TENM2: variants seen among roughly 807,000 people sequenced by gnomAD.
TENM2 encodes teneurin transmembrane protein 2.
Under a neutral mutation model 245.2 loss-of-function variants are expected in TENM2, and 52 were observed. The ratio of observed to expected loss-of-function variants is 0.21; its 90% CI spans 0.17 to 0.27. The LOEUF (loss-of-function observed/expected upper bound fraction) is 0.27. TENM2 is among the 10% of genes least tolerant of loss of function. The pLI, the probability that TENM2 is intolerant of heterozygous loss-of-function variation, is 1.00. For synonymous variants in TENM2, 1,363 were observed against 1,438.9 expected, an observed-to-expected ratio of 0.95 and a Z score of 1.19; for missense variants, 3,046 against 3,666.8, an observed-to-expected ratio of 0.83 and a Z score of 4.37.
rs376314846 is a variant in TENM2, at chr5:167,912,671, T to C, written c.712+36476T>C. Among the ~76,000 whole-genome samples the C allele has an allele frequency of 1.1e-4, 16 of 152,242 alleles. No individual in the cohort carries two copies. In the East Asian group the frequency reaches 3.1e-3, roughly 30 times the overall value. On this transcript the variant is annotated intron_variant, in intron 3 of 28. Transcript: ENST00000518659. ...CTGAGATCCTGGCATCTCATGGGCA[T>C]GCCAAAAATGTCTGTGGAATGACTT...
chr5:167,992,911 T>A (rs1257722031), intron 4 of TENM2, 33 bp from the exon 7 acceptor site: 15 of 1,571,606 alleles, frequency 9.5e-6, no homozygotes, highest in Non-Finnish European at 1.3e-5. Flanking sequence ...TGGCTACCCA[T>A]GACCACTCTG....
At chr5:168,069,201 T>C (rs1235967257) in intron 7 of TENM2, among the ~76,000 whole-genome samples, 1 of 152,174 alleles carries the variant, frequency 6.6e-6, no homozygotes, top group Non-Finnish European at 1.5e-5. Flanking sequence ...GTGCAATTGC[T>C]TGTATGACTT....
At chr5:167,186,122 C>T in the TENM2 span, among the ~76,000 whole-genome samples, 11,008 of 152,152 alleles carry the variant, frequency 0.072, 1,081 homozygotes, top group East Asian at 0.36. Context: ...TTTATGAGTA[C>T]AAGTTCAATC....
intron 4 of TENM2, among the ~76,000 whole-genome samples, chr5:167,973,348 G>A (rs1290225086): frequency 6.6e-6 from 1 of 152,030 alleles, no homozygotes; most frequent in Non-Finnish European, 1.5e-5. Flanking sequence ...ACCTCCTGTT[G>A]GTAATCCCAT....
At chr5:167,263,658 G>A in the TENM2 span, among the ~76,000 whole-genome samples, 1 of 151,612 alleles carries the variant, frequency 6.6e-6, no homozygotes, top group Non-Finnish European at 1.5e-5. Flanking sequence ...CACCATTCTG[G>A]TATCTGCACT....
chr5:167,251,831 C>T, the TENM2 span, among the ~76,000 whole-genome samples: 5 of 152,022 alleles, frequency 3.3e-5, no homozygotes, highest in Admixed American at 6.6e-5. Context: ...TGTTCTGATA[C>T]GCAAAATTAG....
intron 10 of TENM2, among the ~76,000 whole-genome samples, chr5:168,119,322 G>A (rs1315323846): frequency 6.6e-6 from 1 of 152,222 alleles, no homozygotes; most frequent in African/African-American, 2.4e-5. Flanking sequence ...TGGAGATCAG[G>A]AGAGGGGGAC....
intron 8 of TENM2, 147 bp downstream of exon 10, chr5:168,090,916 C>G (rs77683889): frequency 4.5e-6 from 3 of 667,096 alleles, no homozygotes; most frequent in Non-Finnish European, 7.8e-6. Context: ...TAGTGTCACC[C>G]ACCTGAAACT....
chr5:166,981,644 T>C, the TENM2 span, among the ~76,000 whole-genome samples: 1 of 152,224 alleles, frequency 6.6e-6, no homozygotes, highest in African/African-American at 2.4e-5. Flanking sequence ...CTAATTGTTA[T>C]GTAACATATT....
intron 2 of TENM2, among the ~76,000 whole-genome samples, chr5:167,658,393 A>G (rs1754990337): frequency 6.6e-6 from 1 of 151,926 alleles, no homozygotes; most frequent in African/African-American, 2.4e-5. Flanking sequence ...TTTTTAGTAG[A>G]GATGGGGTTT....
intron 2 of TENM2, among the ~76,000 whole-genome samples, chr5:167,801,034 TA>T (rs1765672378): frequency 7.0e-6 from 1 of 143,678 alleles, no homozygotes; most frequent in Non-Finnish European, 1.5e-5. Flanking sequence ...AGTTTTCGAA[TA>T]AAGGTCTTTG....
intron 1 of TENM2, among the ~76,000 whole-genome samples, chr5:167,367,013 C>A (rs917162225): frequency 6.6e-6 from 1 of 152,078 alleles, no homozygotes; most frequent in Non-Finnish European, 1.5e-5. Flanking sequence ...TCAGCAGAAC[C>A]CTTTTGTTGT....
the TENM2 span, among the ~76,000 whole-genome samples, chr5:167,195,734 C>T: frequency 2.0e-5 from 3 of 150,944 alleles, no homozygotes; most frequent in African/African-American, 7.3e-5. Flanking sequence ...ATTTGAATGC[C>T]AAAAAAATAA....
rs775598097 is a variant in TENM2, at chr5:168,228,280, C to CTA, written c.5520+151_5520+152dup. 57 of 475,600 alleles carry CTA rather than the reference C, an allele frequency of 1.2e-4. 1 individual carries two copies. The South Asian group carries it at 1.7e-3, about 14-fold the overall frequency. The allele number at this position is 475,600 out of a possible 1,614,324, so 29.5% of individuals were successfully genotyped here. On this transcript the variant is annotated intron_variant, in intron 25 of 28. Coordinates refer to ENST00000518659, the Ensembl canonical transcript of TENM2. The stretch of plus-strand genomic sequence containing the variant: ...AGAAAGTTTCCCAGCTTCAAAGCCT[C>CTA]TAATACCCCTTTATTCCCTGGAAAA...
intron 2 of TENM2, among the ~76,000 whole-genome samples, chr5:167,780,426 C>T (rs976708243): frequency 6.6e-6 from 1 of 152,200 alleles, no homozygotes; most frequent in African/African-American, 2.4e-5. Context: ...GCTCTCATAT[C>T]GTAAACAAGT....
intron 5 of TENM2, among the ~76,000 whole-genome samples, chr5:168,024,751 G>A (rs922628831): frequency 2.0e-5 from 3 of 152,172 alleles, no homozygotes; most frequent in Admixed American, 6.5e-5. Flanking sequence ...GTAAGAAAGG[G>A]CCACTGCCAG....
chr5:167,592,650 C>A (rs1042365169), intron 2 of TENM2, among the ~76,000 whole-genome samples: 1 of 152,144 alleles, frequency 6.6e-6, no homozygotes, highest in Non-Finnish European at 1.5e-5. Flanking sequence ...TTCTTTTGCC[C>A]AACCCTGGTC....
chr5:167,469,788 T>C (rs55716651), intron 2 of TENM2, among the ~76,000 whole-genome samples: 74 of 152,228 alleles, frequency 4.9e-4, no homozygotes, highest in African/African-American at 1.8e-3. Flanking sequence ...TGTGTGTTTA[T>C]TAAAAGAAAC....
At chr5:167,670,086 A>G (rs1755835254) in intron 2 of TENM2, among the ~76,000 whole-genome samples, 1 of 152,182 alleles carries the variant, frequency 6.6e-6, no homozygotes, top group African/African-American at 2.4e-5. Flanking sequence ...TTCTACATTT[A>G]AATTAGTCTT....
Sources: allele counts gnomAD v4.1 joint callset (sites outside exome capture counted in the v4.1 genomes callset), GRCh38; gene constraint gnomAD v4.1.1; transcripts MANE v1.5; gene names NCBI Gene and HGNC (gene_info 2026-07-23, HGNC 2026-07-21).